Variants in EHHADH observed in about 807,000 individuals in gnomAD.
The protein encoded by EHHADH is enoyl-CoA hydratase and 3-hydroxyacyl CoA dehydrogenase.
Under a neutral mutation model 64.4 loss-of-function variants are expected in EHHADH, and 48 were observed. The ratio of observed to expected loss-of-function variants is 0.75; its 90% CI spans 0.59 to 0.95. EHHADH has a LOEUF of 0.95. Among genes scored for constraint, EHHADH ranks in the 40% least tolerant of loss-of-function variants. The probability of loss-of-function intolerance (pLI) is 0.00; values close to 1 mark genes in which losing one functional copy is unlikely to be tolerated. For synonymous variants in EHHADH, 308 were observed against 326.7 expected, an observed-to-expected ratio of 0.94 and a Z score of 0.62; for missense variants, 854 against 876.6, an observed-to-expected ratio of 0.97 and a Z score of 0.33.
chr3:185,225,961 C>T (rs549587867), intron 4 of EHHADH, among the ~76,000 whole-genome samples: 3 of 152,246 alleles, frequency 2.0e-5, no homozygotes, highest in Middle Eastern at 3.4e-3. Flanking sequence ...TATATCTCTC[C>T]CTTTCTGTTT....
intron 5 of EHHADH, among the ~76,000 whole-genome samples, chr3:185,217,860 G>A (rs974229597): frequency 6.6e-6 from 1 of 151,398 alleles, no homozygotes. Context: ...CGCCTCCCGG[G>A]TTCACGCCAT....
rs549054151 is a variant in EHHADH at position 185,227,473 on chromosome 3, G to A, written c.463+1959C>T. ...CGTGAACTCAGGAGGCAGAGGTTGC[G>A]GTGAGCTGAGATCGCAGCATTGCAT... is the stretch of plus-strand genomic sequence containing the variant. On this transcript the variant is annotated intron_variant, in intron 4 of 6. Coordinates refer to ENST00000231887, the MANE Select transcript of EHHADH (RefSeq NM_001966.4). 1.8e-4 allele frequency among the ~76,000 whole-genome samples: 28 copies of A among 151,844 alleles called. No homozygotes were observed. The South Asian group carries it at 1.9e-3, about 10-fold the overall frequency.
chr3:185,243,407 A>G (rs1046447874), intron 2 of EHHADH, among the ~76,000 whole-genome samples: 4 of 152,096 alleles, frequency 2.6e-5, no homozygotes, highest in African/African-American at 4.8e-5. Context: ...CTTAATCCTC[A>G]TTATTATTTT....
At chr3:185,214,154 A>G (rs1215676678) in intron 5 of EHHADH, among the ~76,000 whole-genome samples, 3 of 152,194 alleles carry the variant, frequency 2.0e-5, no homozygotes, top group Non-Finnish European at 2.9e-5. Context: ...GAACTCATTT[A>G]AAAAAGAAAA....
Position 185,190,696 on chromosome 3 carries a change from C to T in EHHADH, c.*1530G>A, listed in dbSNP as rs959831617. The T allele has an allele frequency of 8.5e-5, 13 of 152,110 alleles. No homozygotes were observed. Among genetic ancestry groups the T allele is most frequent in the African/African-American group, 3.1e-4 (13 of 41,418 alleles). The allele number at this position is 152,110 out of a possible 1,614,324, so 9.4% of individuals were successfully genotyped here. A position where few individuals can be genotyped will look rare whatever the true frequency, so the allele number is the denominator to read the frequency against. On this transcript the variant is annotated 3_prime_UTR_variant, in exon 7 of 7. Transcript: ENST00000231887. ...CCAAATTATATAAAATTAAGTAGTACACATTTCAAACATAATAATTGTGCT... is the reference window on the plus strand; with the variant it reads ...CCAAATTATATAAAATTAAGTAGTATACATTTCAAACATAATAATTGTGCT...
chr3:185,243,496 T>C (rs531471116), intron 2 of EHHADH, among the ~76,000 whole-genome samples: 39 of 152,314 alleles, frequency 2.6e-4, no homozygotes, highest in African/African-American at 9.1e-4. Flanking sequence ...GGTTTTTTTC[T>C]TGTTTTTCTA....
At chr3:185,205,722 T>A (rs962143592) in intron 5 of EHHADH, among the ~76,000 whole-genome samples, 6 of 152,070 alleles carry the variant, frequency 3.9e-5, no homozygotes, top group African/African-American at 1.2e-4. Context: ...GCCAACCTAC[T>A]GTTTGAGGAG....
intron 5 of EHHADH, among the ~76,000 whole-genome samples, chr3:185,210,752 T>A (rs1415605006): frequency 2.6e-5 from 4 of 152,030 alleles, no homozygotes; most frequent in African/African-American, 9.7e-5. Context: ...GAGAGTGTTG[T>A]CCGCCACTGA....
intron 1 of EHHADH, among the ~76,000 whole-genome samples, chr3:185,251,928 G>A (rs982899133): frequency 2.0e-5 from 3 of 152,114 alleles, no homozygotes; most frequent in African/African-American, 7.2e-5. Context: ...GCTTGAACAG[G>A]TCTTCTGACT....
At chr3:185,234,847 G>A (rs972874717) in intron 3 of EHHADH, among the ~76,000 whole-genome samples, 2 of 152,194 alleles carry the variant, frequency 1.3e-5, no homozygotes, top group African/African-American at 2.4e-5. Flanking sequence ...GTACTGGCAC[G>A]TAACAGCTGA....
intron 5 of EHHADH, among the ~76,000 whole-genome samples, chr3:185,208,052 G>T (rs141087369): frequency 6.6e-6 from 1 of 152,340 alleles, no homozygotes; most frequent in Non-Finnish European, 1.5e-5. Context: ...TAAGTAATGG[G>T]CTGTCATTTC....
chr3:185,193,062 T>C lies in EHHADH; in HGVS notation c.1336A>G (p.Ile446Val), dbSNP rs1717949345. Residue 446 changes from isoleucine to valine, a missense_variant, in exon 7 of 7, where the codon ATT becomes GTT. Coordinates refer to ENST00000231887, the MANE Select transcript of EHHADH (RefSeq NM_001966.4). The part of the protein sequence containing the change: ...PAHVMKLLEV[I>V]PSQYSSPTTI... Reference sequence around the variant, plus strand: ...GTGGGGGAAGAGTATTGGCTGGGAATAACCTCTAACAACTTCATGACATGA... The same window carrying C: ...GTGGGGGAAGAGTATTGGCTGGGAACAACCTCTAACAACTTCATGACATGA... 6.2e-7 allele frequency: 1 copy of C among 1,614,172 alleles called. No individual in the cohort carries two copies. Among genetic ancestry groups the C allele is most frequent in the African/African-American group, 1.3e-5 (1 of 75,040 alleles).
intron 5 of EHHADH, among the ~76,000 whole-genome samples, chr3:185,208,965 G>C (rs533251669): frequency 1.3e-5 from 2 of 152,264 alleles, no homozygotes; most frequent in African/African-American, 4.8e-5. Context: ...TTAGATCCAA[G>C]GTCCAAAAAA....
chr3:185,252,720 A>C (rs1038778051), intron 1 of EHHADH, among the ~76,000 whole-genome samples: 5 of 152,200 alleles, frequency 3.3e-5, no homozygotes, highest in Non-Finnish European at 7.4e-5. Context: ...TATTAATACT[A>C]ATGATAAATC....
At position 185,191,008 on chromosome 3, in the gene EHHADH, A is replaced by G. The variant is rs1577349507; in HGVS notation, c.*1218T>C. On this transcript the variant is annotated 3_prime_UTR_variant, in exon 7 of 7. Coordinates refer to ENST00000231887, the MANE Select transcript of EHHADH (RefSeq NM_001966.4). ...TTTAATATATTGTTATGTGACCATTACCACAATAAGTTTAGACCATTTTCA... is the reference window on the plus strand; with the variant it reads ...TTTAATATATTGTTATGTGACCATTGCCACAATAAGTTTAGACCATTTTCA... 1.3e-5 allele frequency: 2 copies of G among 152,252 alleles called. No homozygotes were observed. Among genetic ancestry groups the G allele is most frequent in the African/African-American group, 4.8e-5 (2 of 41,474 alleles). 9.4% of individuals were successfully genotyped at this position (152,252 alleles called of 1,614,324 possible).
chr3:185,192,762 G>T lies in EHHADH; in HGVS notation c.1636C>A (p.Pro546Thr). 6.2e-7 allele frequency: 1 copy of T among 1,614,024 alleles called. No homozygotes were observed. Among genetic ancestry groups the T allele is most frequent in the Non-Finnish European group, 8.5e-7 (1 of 1,180,010 alleles). ...GQGLTGPTLL[P>T]GTPARKRGNR... Reference sequence around the variant, plus strand: ...CCCCTTTTTCGGGCAGGAGTTCCTGGAAGCAATGTAGGTCCAGTAAGACCT... The same window carrying T: ...CCCCTTTTTCGGGCAGGAGTTCCTGTAAGCAATGTAGGTCCAGTAAGACCT... Residue 546 changes from proline to threonine, a missense_variant, in exon 7 of 7, where the codon CCA (proline) becomes ACA (threonine). By Grantham distance (38) the Pro-to-Thr change is conservative. Coordinates refer to ENST00000231887, the MANE Select transcript of EHHADH (RefSeq NM_001966.4).
intron 2 of EHHADH, among the ~76,000 whole-genome samples, chr3:185,236,816 A>C (rs920727412): frequency 1.7e-4 from 26 of 152,308 alleles, no homozygotes; most frequent in African/African-American, 5.5e-4. Flanking sequence ...CTTTAGATTG[A>C]GATAGTTTTT....
At chr3:185,245,468 C>A in intron 2 of EHHADH, 1 of 972,640 alleles carries the variant, frequency 1.0e-6, no homozygotes, top group Non-Finnish European at 1.5e-6. Context: ...AATTAGTTAG[C>A]TTTGGCACAG....
chr3:185,217,242 T>A (rs1238808474), intron 5 of EHHADH, among the ~76,000 whole-genome samples: 1 of 152,040 alleles, frequency 6.6e-6, no homozygotes, highest in Non-Finnish European at 1.5e-5. Context: ...TGATGAGAGA[T>A]CAGCTTGTTT....
Sources: allele counts gnomAD v4.1 joint callset (sites outside exome capture counted in the v4.1 genomes callset), GRCh38; gene constraint gnomAD v4.1.1; transcripts MANE v1.5; gene names NCBI Gene and HGNC (gene_info 2026-07-23, HGNC 2026-07-21).